BMP2K: variants seen among roughly 807,000 people sequenced by gnomAD.
The protein encoded by BMP2K is BMP-2-inducible protein kinase.
BMP2K carries 74 observed loss-of-function variants against 116.0 expected under a neutral mutation model. That is an observed-to-expected ratio of 0.64 (90% CI 0.53 to 0.77). BMP2K has a LOEUF of 0.77. Among genes scored for constraint, BMP2K ranks in the 30% least tolerant of loss-of-function variants. BMP2K has a pLI of 0.00. For synonymous variants in BMP2K, 486 were observed against 502.5 expected (o/e 0.97, Z 0.44); for missense variants, 1,365 against 1,403.6 (o/e 0.97, Z 0.44).
chr4:78,795,765 G>A (rs1026916879), intron 1 of BMP2K, among the ~76,000 whole-genome samples: 1 of 152,162 alleles, frequency 6.6e-6, no homozygotes, highest in Non-Finnish European at 1.5e-5. Flanking sequence ...AGACATTTAT[G>A]CAGCCAAAAA....
At chr4:78,856,990 A>G (rs1731535530) in intron 7 of BMP2K, among the ~76,000 whole-genome samples, 1 of 152,152 alleles carries the variant, frequency 6.6e-6, no homozygotes, top group South Asian at 2.1e-4. Context: ...AGAATGAGTT[A>G]TAGTAGTAGA....
At chr4:78,840,813 G>A (rs1244411305) in intron 3 of BMP2K, among the ~76,000 whole-genome samples, 2 of 152,116 alleles carry the variant, frequency 1.3e-5, no homozygotes, top group South Asian at 2.1e-4. Flanking sequence ...ATTAAAGTTT[G>A]TTTAAAATTT....
At chr4:78,861,804 T>C (rs1731807688) in intron 9 of BMP2K, among the ~76,000 whole-genome samples, 1 of 151,976 alleles carries the variant, frequency 6.6e-6, no homozygotes, top group Non-Finnish European at 1.5e-5. Flanking sequence ...TTTATAGATG[T>C]TTATTTTTTT....
At chr4:78,794,955 A>C (rs1728181048) in intron 1 of BMP2K, among the ~76,000 whole-genome samples, 1 of 152,224 alleles carries the variant, frequency 6.6e-6, no homozygotes, top group Non-Finnish European at 1.5e-5. Flanking sequence ...ATGTAAATTA[A>C]GTGTTTGCCT....
intron 1 of BMP2K, 112 bp from the exon 2 acceptor site, chr4:78,825,925 G>A (rs1232830371): frequency 1.2e-6 from 1 of 806,944 alleles, no homozygotes; most frequent in Non-Finnish European, 2.0e-6. Flanking sequence ...ACTTGTTTTT[G>A]TCTTGGGTAC....
intron 15 of BMP2K, among the ~76,000 whole-genome samples, chr4:78,889,026 C>A (rs1001572968): frequency 3.3e-5 from 5 of 152,046 alleles, no homozygotes; most frequent in Admixed American, 2.0e-4. Flanking sequence ...TCAAGACCAT[C>A]CTGGCTAACA....
At chr4:78,855,005 G>A (rs1476012005) in intron 7 of BMP2K, among the ~76,000 whole-genome samples, 1 of 152,046 alleles carries the variant, frequency 6.6e-6, no homozygotes, top group East Asian at 1.9e-4. Context: ...TCAATCACTG[G>A]CTCTGGGTTT....
At position 78,911,077 on chromosome 4, in the gene BMP2K, T is replaced by C; in HGVS notation, c.2530T>C (p.Ser844Pro). ...ACTCCTCACCTCAGCCCAATTATCC[T>C]CTGATGTTGCAGTGGAGACTCCCAA... ...TILLTSAQLSSDVAVETPKQE... is the reference protein window; with the variant it reads ...TILLTSAQLSPDVAVETPKQE... The change falls in exon 16 of 16, where the codon TCT (serine) becomes CCT (proline). Residue 844 changes from serine to proline, a missense_variant. Transcript: ENST00000502613. The C allele has an allele frequency of 6.2e-7, 1 of 1,613,998 alleles. No individual in the cohort carries two copies. Among genetic ancestry groups the C allele is most frequent in the Non-Finnish European group, 8.5e-7 (1 of 1,179,892 alleles).
chr4:78,798,707 T>G (rs1246918450), intron 1 of BMP2K, among the ~76,000 whole-genome samples: 1 of 152,218 alleles, frequency 6.6e-6, no homozygotes, highest in African/African-American at 2.4e-5. Context: ...GAAATATATT[T>G]TAATATAAAC....
intron 1 of BMP2K, among the ~76,000 whole-genome samples, chr4:78,812,869 C>T (rs1029598398): frequency 1.3e-5 from 2 of 151,844 alleles, no homozygotes; most frequent in African/African-American, 4.8e-5. Flanking sequence ...CCCCCACACC[C>T]CCATCTCTAC....
At chr4:78,801,962 A>G (rs1052695162) in intron 1 of BMP2K, among the ~76,000 whole-genome samples, 14 of 152,234 alleles carry the variant, frequency 9.2e-5, no homozygotes, top group Non-Finnish European at 1.6e-4. Context: ...TTGAGAAAGA[A>G]GGTCTTGTAT....
intron 5 of BMP2K, 86 bp downstream of exon 5, chr4:78,845,135 G>T: frequency 8.7e-7 from 1 of 1,153,872 alleles, no homozygotes; most frequent in South Asian, 1.5e-5. Context: ...ACAAATTTTA[G>T]GTATTTCATT....
chr4:78,848,621 A>G (rs1233412636), intron 6 of BMP2K, among the ~76,000 whole-genome samples: 1 of 151,454 alleles, frequency 6.6e-6, no homozygotes, highest in Non-Finnish European at 1.5e-5. Flanking sequence ...CTGTTATCCA[A>G]TATCTTAACA....
chr4:78,798,951 C>A (rs1026597279), intron 1 of BMP2K, among the ~76,000 whole-genome samples: 27 of 152,184 alleles, frequency 1.8e-4, no homozygotes, highest in Non-Finnish European at 3.5e-4. Flanking sequence ...ACCGTGCTGA[C>A]ACACATGGAA....
rs372490617 is a variant in BMP2K, at chr4:78,911,570, T to C, written c.3023T>C (p.Leu1008Ser). 2.2e-5 allele frequency: 35 copies of C among 1,613,882 alleles called. No homozygotes were observed. The highest frequency in any genetic ancestry group is 2.6e-5 in the Non-Finnish European group (31 of 1,179,892). Reference sequence around the variant, plus strand: ...ACGCCAACTAGCACAAAGAAGACTTTGAAGCCTACCTATCGCACTCCAGAG... The same window carrying C: ...ACGCCAACTAGCACAAAGAAGACTTCGAAGCCTACCTATCGCACTCCAGAG... ...HGTPTSTKKT[L>S]KPTYRTPERA... Residue 1008 changes from leucine to serine, a missense_variant, in exon 16 of 16, where the codon TTG becomes TCG. Physicochemically the swap from Leu to Ser is moderately radical, Grantham distance 145. Coordinates refer to ENST00000502613, the MANE Select transcript of BMP2K (RefSeq NM_198892.2).
intron 1 of BMP2K, among the ~76,000 whole-genome samples, chr4:78,783,212 C>T (rs966289755): frequency 2.0e-5 from 3 of 152,126 alleles, no homozygotes; most frequent in Non-Finnish European, 4.4e-5. Flanking sequence ...TTTCAAGTTT[C>T]AATCAGCTAT....
intron 15 of BMP2K, among the ~76,000 whole-genome samples, chr4:78,893,909 G>A (rs960329924): frequency 6.6e-6 from 1 of 152,216 alleles, no homozygotes; most frequent in Non-Finnish European, 1.5e-5. Flanking sequence ...ATGGGCTGCA[G>A]ATGGGATGTT....
chr4:78,902,555 G>A (rs1271299533), intron 15 of BMP2K, among the ~76,000 whole-genome samples: 5 of 152,048 alleles, frequency 3.3e-5, no homozygotes, highest in Admixed American at 3.3e-4. Context: ...AAGTCTTATA[G>A]CCCCTCCCGT....
intron 14 of BMP2K, among the ~76,000 whole-genome samples, chr4:78,882,371 C>G (rs753891190): frequency 1.3e-5 from 2 of 151,436 alleles, no homozygotes; most frequent in African/African-American, 4.8e-5. Flanking sequence ...TTTACCTGTT[C>G]TTAATTTTAG....
Sources: gnomAD v4.1 joint callset for allele counts (sites outside exome capture counted in the v4.1 genomes callset) on GRCh38, gnomAD v4.1.1 for gene constraint, MANE v1.5 for transcripts, NCBI Gene and HGNC (gene_info 2026-07-23, HGNC 2026-07-21) for gene names.